Variants in CAAP1 observed in about 807,000 individuals in gnomAD.
CAAP1 encodes caspase activity and apoptosis inhibitor 1.
CAAP1 carries 20 observed loss-of-function variants against 34.0 expected under a neutral mutation model. That is an observed-to-expected ratio of 0.59 (90% CI 0.41 to 0.86). The LOEUF (loss-of-function observed/expected upper bound fraction) is 0.86, where lower values mean the gene tolerates loss of function less well. Among genes scored for constraint, CAAP1 ranks in the 40% least tolerant of loss-of-function variants. The pLI, the probability that CAAP1 is intolerant of heterozygous loss-of-function variation, is 0.00. For missense variants in CAAP1, 538 were observed against 450.5 expected, an observed-to-expected ratio of 1.19 and a Z score of -1.76; for synonymous variants, 213 against 166.7, an observed-to-expected ratio of 1.28 and a Z score of -2.14.
chr9:26,847,579 T>C (rs1289312785), intron 5 of CAAP1, among the ~76,000 whole-genome samples: 2 of 152,176 alleles, frequency 1.3e-5, no homozygotes, highest in Non-Finnish European at 2.9e-5. Flanking sequence ...CTTTTCCACG[T>C]GTGTATTGCC....
chr9:26,873,654 C>A (rs1823336375), intron 4 of CAAP1, among the ~76,000 whole-genome samples: 1 of 152,132 alleles, frequency 6.6e-6, no homozygotes, highest in Non-Finnish European at 1.5e-5. Flanking sequence ...TTTTTCCCAG[C>A]CCATCTCCGA....
intron 5 of CAAP1, among the ~76,000 whole-genome samples, chr9:26,858,223 G>A (rs1181777327): frequency 6.6e-6 from 1 of 150,874 alleles, no homozygotes; most frequent in Non-Finnish European, 1.5e-5. Context: ...TGCAAGAAAA[G>A]TTAGAGATAT....
At chr9:26,862,308 C>G (rs1823019935) in intron 4 of CAAP1, among the ~76,000 whole-genome samples, 1 of 152,004 alleles carries the variant, frequency 6.6e-6, no homozygotes, top group Non-Finnish European at 1.5e-5. Context: ...TAGATTTTAC[C>G]TACTGGGAGC....
intron 5 of CAAP1, 135 bp downstream of exon 5, chr9:26,860,931 G>A (rs1322470536): frequency 3.0e-6 from 2 of 668,288 alleles, no homozygotes; most frequent in African/African-American, 1.8e-5. Context: ...TGAAGTGACT[G>A]ATTTTTGACC....
intron 3 of CAAP1, 55 bp from the exon 4 acceptor site, chr9:26,884,940 C>T: frequency 1.6e-6 from 2 of 1,229,108 alleles, no homozygotes; most frequent in Non-Finnish European, 2.4e-6. Flanking sequence ...TAAAATGATG[C>T]AATCATGACA....
intron 4 of CAAP1, 139 bp from the exon 5 acceptor site, chr9:26,861,278 C>T: frequency 1.7e-6 from 1 of 581,428 alleles, no homozygotes; most frequent in Non-Finnish European, 3.1e-6. Context: ...ATTCAGTGTA[C>T]TCTGGAAGCT....
intron 4 of CAAP1, among the ~76,000 whole-genome samples, chr9:26,876,312 C>T (rs1277680836): frequency 6.6e-6 from 1 of 152,048 alleles, no homozygotes; most frequent in Non-Finnish European, 1.5e-5. Flanking sequence ...CTTGATAATC[C>T]AGAAGTCTTC....
chr9:26,842,426 G>A lies in CAAP1; in HGVS notation c.961C>T (p.Leu321=), dbSNP rs1318983048. The change falls in exon 6 of 6, where the codon CTG becomes TTG. Residue 321 remains leucine, a synonymous_variant. Coordinates refer to ENST00000333916, the MANE Select transcript of CAAP1 (RefSeq NM_024828.4). ...ACATCTTCTGGTGGAGGAACAGCCAGGGTGGCTGCTTTGGGTTCGTTTGGG... is the reference window on the plus strand; with the variant it reads ...ACATCTTCTGGTGGAGGAACAGCCAAGGTGGCTGCTTTGGGTTCGTTTGGG... ...SSPNEPKAAT[L]AVPPPEDVQP... 1 of 1,614,164 alleles carries A rather than the reference G, an allele frequency of 6.2e-7. No homozygotes were observed. The highest frequency in any genetic ancestry group is 1.3e-5 in the African/African-American group (1 of 75,028).
intron 1 of CAAP1, among the ~76,000 whole-genome samples, chr9:26,890,164 G>A (rs1199250651): frequency 1.3e-5 from 2 of 152,030 alleles, no homozygotes; most frequent in African/African-American, 2.4e-5. Flanking sequence ...GAGGTCAGGA[G>A]TTGGAAACCA....
At chr9:26,851,523 C>A (rs1038194325) in intron 5 of CAAP1, among the ~76,000 whole-genome samples, 9 of 152,172 alleles carry the variant, frequency 5.9e-5, no homozygotes, top group Non-Finnish European at 7.4e-5. Context: ...CCCTGCTAGT[C>A]TTTTACAATG....
At position 26,892,700 on chromosome 9, in the gene CAAP1, A is replaced by G; in HGVS notation, c.16T>C (p.Ser6Pro). The change falls in exon 1 of 6, where the codon TCC becomes CCC. Residue 6 changes from serine to proline, a missense_variant. This residue lies in a region of CAAP1 where 514 missense variants were observed against 408.4 expected (regional missense o/e 1.26). Coordinates refer to ENST00000333916, the MANE Select transcript of CAAP1 (RefSeq NM_024828.4). ...CGTTTGCGCCGTTTCTCCCGGGAGGACTTTTTCCCCGTCATGATCCCTCTG... is the reference window on the plus strand; with the variant it reads ...CGTTTGCGCCGTTTCTCCCGGGAGGGCTTTTTCCCCGTCATGATCCCTCTG... MTGKK[S>P]SREKRRKRSS... 1 of 1,598,482 alleles carries G rather than the reference A, an allele frequency of 6.3e-7. No individual in the cohort carries two copies. The highest frequency in any genetic ancestry group is 8.5e-7 in the Non-Finnish European group (1 of 1,176,210).
Position 26,876,481 on chromosome 9 carries a change from T to TG in CAAP1, c.665+8328_665+8329insC, listed in dbSNP as rs545424134. 6.6e-5 allele frequency among the ~76,000 whole-genome samples: 10 copies of TG among 151,894 alleles called. No individual in the cohort carries two copies. The East Asian group carries it at 1.9e-3, about 29-fold the overall frequency. ...ATATGCATTCTAGAAGGTTTTTTTTTTTTTTTTTTTGAGATTCCTTAAAAC... is the reference window on the plus strand; with the variant it reads ...ATATGCATTCTAGAAGGTTTTTTTTTGTTTTTTTTTTGAGATTCCTTAAAAC... On this transcript the variant is annotated intron_variant, in intron 4 of 5. Coordinates refer to ENST00000333916, the MANE Select transcript of CAAP1 (RefSeq NM_024828.4).
At chr9:26,881,036 C>A (rs1823582427) in intron 4 of CAAP1, among the ~76,000 whole-genome samples, 1 of 152,130 alleles carries the variant, frequency 6.6e-6, no homozygotes, top group African/African-American at 2.4e-5. Context: ...AAAACATTAA[C>A]TAAAAATCAA....
chr9:26,864,921 T>C (rs953604696), intron 4 of CAAP1, among the ~76,000 whole-genome samples: 2 of 152,236 alleles, frequency 1.3e-5, no homozygotes, highest in African/African-American at 4.8e-5. Flanking sequence ...AAACTTATTA[T>C]GTTATGCAGA....
intron 3 of CAAP1, 99 bp from the exon 4 acceptor site, chr9:26,884,984 T>G: frequency 1.1e-6 from 1 of 890,580 alleles, no homozygotes. Flanking sequence ...TGATGCAGAT[T>G]AAAGAACTTT....
intron 1 of CAAP1, among the ~76,000 whole-genome samples, chr9:26,890,302 C>A (rs978089393): frequency 2.0e-5 from 3 of 150,932 alleles, no homozygotes; most frequent in Admixed American, 1.3e-4. Context: ...ACCTGGCAGG[C>A]GGAGGTTGCA....
rs79015319 is a variant in CAAP1 at position 26,865,003 on chromosome 9, C to G, written c.666-3864G>C. ...AGAACATTAAGTGGTGTCCAGATAA[C>G]CAATTTATGATCCTTTACCAACCCA... On this transcript the variant is annotated intron_variant, in intron 4 of 5. Transcript: ENST00000333916. Among the ~76,000 whole-genome samples the G allele has an allele frequency of 2.1e-3, 313 of 152,144 alleles. 1 individual carries two copies. Among genetic ancestry groups the G allele is most frequent in the Non-Finnish European group, 1.3e-3 (89 of 68,000 alleles).
At chr9:26,879,379 A>G (rs1027921032) in intron 4 of CAAP1, among the ~76,000 whole-genome samples, 2 of 152,226 alleles carry the variant, frequency 1.3e-5, no homozygotes, top group African/African-American at 2.4e-5. Context: ...TTAATGCTTT[A>G]CGTCCCTGAA....
In CAAP1 at chr9:26,841,894, T is replaced by A. The variant is rs1822488194; in HGVS notation, c.*407A>T. ...GCAAAACTAAATTTCTCAAATTAAA[T>A]AATTTAATATTGTATTGTAAAATAC... On this transcript the variant is annotated 3_prime_UTR_variant, in exon 6 of 6. Transcript: ENST00000333916. The A allele has an allele frequency of 6.5e-6, 1 of 153,142 alleles. No individual in the cohort carries two copies. Among genetic ancestry groups the A allele is most frequent in the East Asian group, 1.9e-4 (1 of 5,212 alleles). 9.5% of individuals were successfully genotyped at this position (153,142 alleles called of 1,614,324 possible). A position where few individuals can be genotyped will look rare whatever the true frequency, so the allele number is the denominator to read the frequency against.
Sources: gnomAD v4.1 joint callset for allele counts (sites outside exome capture counted in the v4.1 genomes callset) on GRCh38, gnomAD v4.1.1 for gene constraint, gnomAD v4.1.1 regional missense constraint, MANE v1.5 for transcripts, NCBI Gene and HGNC (gene_info 2026-07-23, HGNC 2026-07-21) for gene names.